MLIP: variants seen among roughly 807,000 people sequenced by gnomAD.
MLIP encodes muscular LMNA interacting protein, also known as muscular LMNA-interacting protein.
Under a neutral mutation model 84.8 loss-of-function variants are expected in MLIP, and 79 were observed. That is an observed-to-expected ratio of 0.93 (90% confidence interval 0.78 to 1.12). The LOEUF is 1.12. Ranked by LOEUF, MLIP falls within the 50% of genes most tolerant of loss-of-function variation. The pLI is 0.00. For missense variants in MLIP, 1,257 were observed against 1,160.6 expected, an observed-to-expected ratio of 1.08 and a Z score of -1.21; for synonymous variants, 504 against 463.0, an observed-to-expected ratio of 1.09 and a Z score of -1.14.
chr6:54,194,720 G>A (rs1778175874), intron 10 of MLIP, among the ~76,000 whole-genome samples: 1 of 150,830 alleles, frequency 6.6e-6, no homozygotes, highest in Non-Finnish European at 1.5e-5. Flanking sequence ...TATCTCATTA[G>A]GTTCTCGAAT....
chr6:54,215,545 A>G (rs2066205), intron 11 of MLIP: 265,996 of 316,538 alleles, frequency 0.84, 112,783 homozygotes, highest in East Asian at 0.97. Context: ...TGTACATTGT[A>G]TAATGATTAC....
intron 3 of MLIP, among the ~76,000 whole-genome samples, chr6:54,134,024 G>A (rs946606852): frequency 6.6e-6 from 1 of 152,184 alleles, no homozygotes; most frequent in South Asian, 2.1e-4. Flanking sequence ...CAGCCTTGAG[G>A]GAGAAGGAGT....
chr6:54,131,764 CT>C (rs1436718790), intron 3 of MLIP, among the ~76,000 whole-genome samples: 2 of 152,290 alleles, frequency 1.3e-5, no homozygotes, highest in Admixed American at 1.3e-4. Context: ...GCTTTTGTTG[CT>C]TAACAAACCA....
At chr6:54,108,572 A>G (rs951114282), upstream of MLIP, among the ~76,000 whole-genome samples, 1 of 152,212 alleles carries the variant, frequency 6.6e-6, no homozygotes, top group Admixed American at 6.5e-5. Context: ...AGTGAAAATT[A>G]TGACTTCTAG....
chr6:54,103,255 C>A (rs1377583305), intron 1 of MLIP, among the ~76,000 whole-genome samples: 1 of 152,104 alleles, frequency 6.6e-6, no homozygotes, highest in Non-Finnish European at 1.5e-5. Context: ...ATGTGTCAGA[C>A]TTCTAAAATA....
chr6:54,130,461 G>T (rs1385690657), intron 3 of MLIP, among the ~76,000 whole-genome samples: 2 of 152,104 alleles, frequency 1.3e-5, no homozygotes, highest in African/African-American at 4.8e-5. Flanking sequence ...GGGGGCAATT[G>T]CTGAGGGAGG....
At chr6:54,263,560 G>A (rs1039767083) in intron 13 of MLIP, among the ~76,000 whole-genome samples, 1 of 151,834 alleles carries the variant, frequency 6.6e-6, no homozygotes, top group African/African-American at 2.4e-5. Flanking sequence ...AGGTTATTTT[G>A]TTTTCATTTT....
chr6:54,137,829 C>A lies in MLIP; in HGVS notation c.1760C>A (p.Ala587Asp), dbSNP rs746730961. The change falls in exon 4 of 14, where the codon GCC becomes GAC. Residue 587 changes from alanine (A) to aspartate (D), a missense_variant. Physicochemically the swap from Ala to Asp is moderately radical, Grantham distance 126. Transcript: ENST00000502396. ...ATTCACACGTACCCTTCTACATTAG[C>A]CTCCTCTGCATTATCTTCTCTATCT... ...RNIHTYPSTL[A>D]SSALSSLSPP... is the part of the protein sequence containing the mutation. The A allele has an allele frequency of 6.5e-7, 1 of 1,536,084 alleles. No individual in the cohort carries two copies. The highest frequency in any genetic ancestry group is 8.7e-7 in the Non-Finnish European group (1 of 1,146,898).
chr6:54,146,175 C>T (rs1391848203), intron 4 of MLIP, among the ~76,000 whole-genome samples: 13 of 152,210 alleles, frequency 8.5e-5, no homozygotes, highest in Admixed American at 5.9e-4. Context: ...TGATAGCCTA[C>T]TCAGTGTGAT....
chr6:54,095,809 G>C (rs1366382829), intron 1 of MLIP, among the ~76,000 whole-genome samples: 17 of 152,256 alleles, frequency 1.1e-4, no homozygotes, highest in East Asian at 1.9e-4. Context: ...TTGAATTCAT[G>C]AATTTGTTTG....
At chr6:54,191,663 G>C (rs1419456153) in intron 10 of MLIP, among the ~76,000 whole-genome samples, 1 of 152,174 alleles carries the variant, frequency 6.6e-6, no homozygotes, top group Non-Finnish European at 1.5e-5. Context: ...CCAGGGCTGT[G>C]AATCTATGGT....
Position 54,028,458 on chromosome 6 carries a change from T to G in MLIP, c.63+9367T>G, listed in dbSNP as rs557029565. Among the ~76,000 whole-genome samples the G allele has an allele frequency of 3.3e-5, 5 of 152,326 alleles. No individual in the cohort carries two copies. In the East Asian group the frequency reaches 9.6e-4, roughly 29 times the overall value. ...TGTTATAATTTCTCTGGGGATATCATGTCATAGTGGGAGGCTGAAGGAAGA... is the reference window on the plus strand; with the variant it reads ...TGTTATAATTTCTCTGGGGATATCAGGTCATAGTGGGAGGCTGAAGGAAGA... On this transcript the variant is annotated intron_variant, in intron 1 of 12. Transcript: ENST00000274897.
intron 1 of MLIP, among the ~76,000 whole-genome samples, chr6:54,100,775 C>G (rs918822633): frequency 6.6e-6 from 1 of 152,130 alleles, no homozygotes; most frequent in African/African-American, 2.4e-5. Context: ...GTGATCCAAA[C>G]AGGCATCATT....
intron 1 of MLIP, among the ~76,000 whole-genome samples, chr6:54,027,365 TAA>T (rs1308410841): frequency 3.8e-5 from 5 of 131,730 alleles, no homozygotes; most frequent in Non-Finnish European, 6.2e-5. Flanking sequence ...TTATTTGGAA[TAA>T]AAAAAATACA....
At chr6:54,160,948 T>C (rs1184915500) in intron 8 of MLIP, 149 bp downstream of exon 8, 1 of 682,362 alleles carries the variant, frequency 1.5e-6, no homozygotes, top group Non-Finnish European at 2.5e-6. Flanking sequence ...AGATAGTAAA[T>C]ATTAGACTTG....
intron 1 of MLIP, among the ~76,000 whole-genome samples, chr6:54,057,676 G>A (rs1177950025): frequency 2.0e-5 from 3 of 152,004 alleles, no homozygotes; most frequent in African/African-American, 7.3e-5. Flanking sequence ...TTTTTTTAAG[G>A]CAGTTTTTTC....
intron 1 of MLIP, among the ~76,000 whole-genome samples, chr6:54,074,782 TGGG>T (rs1002881093): frequency 6.6e-6 from 1 of 151,952 alleles, no homozygotes; most frequent in Admixed American, 6.6e-5. Flanking sequence ...GCCTTTAAAA[TGGG>T]GGAAAATATG....
chr6:54,090,792 A>G (rs1012060169), intron 1 of MLIP, among the ~76,000 whole-genome samples: 8 of 152,090 alleles, frequency 5.3e-5, no homozygotes, highest in African/African-American at 1.9e-4. Context: ...GTTCCAAGCC[A>G]TGGACTCATG....
At chr6:54,252,887 G>T (rs1442261518) in intron 12 of MLIP, among the ~76,000 whole-genome samples, 3 of 152,074 alleles carry the variant, frequency 2.0e-5, no homozygotes. Flanking sequence ...TCTACTTGAA[G>T]GATCTTCAGT....
Sources: allele counts gnomAD v4.1 joint callset (sites outside exome capture counted in the v4.1 genomes callset), GRCh38; gene constraint gnomAD v4.1.1; transcripts MANE v1.5; gene names NCBI Gene and HGNC (gene_info 2026-07-23, HGNC 2026-07-21).